The following AARS1 variants were observed in gnomAD, a reference collection of about 807,000 sequenced individuals.
AARS1 encodes the protein alanyl-tRNA synthetase 1, also known as alanine--tRNA ligase, cytoplasmic.
Under a neutral mutation model 108.9 loss-of-function variants are expected in AARS1, and 72 were observed. The ratio of observed to expected loss-of-function variants is 0.66; its 90% confidence interval spans 0.55 to 0.80. The LOEUF is 0.80. Among genes scored for constraint, AARS1 ranks in the 30% least tolerant of loss-of-function variants. The probability of loss-of-function intolerance (pLI) is 0.00; values close to 1 mark genes in which losing one functional copy is unlikely to be tolerated. For missense variants in AARS1, 1,193 were observed against 1,233.2 expected (o/e 0.97, Z 0.49); for synonymous variants, 489 against 465.7 (o/e 1.05, Z -0.64).
intron 11 of AARS1, among the ~76,000 whole-genome samples, chr16:70,263,689 C>G (rs981478942): frequency 2.0e-5 from 3 of 152,046 alleles, no homozygotes; most frequent in South Asian, 2.1e-4. Flanking sequence ...GGCTGGAGTG[C>G]AGTGGCACAA....
At chr16:70,254,828 C>G in intron 16 of AARS1, 94 bp from the exon 17 acceptor site, 1 of 811,988 alleles carries the variant, frequency 1.2e-6, no homozygotes, top group Non-Finnish European at 2.1e-6. Context: ...GGCGGTAGGC[C>G]TTGCAGCAAC....
At chr16:70,273,175 G>A (rs1269565700) in intron 4 of AARS1, among the ~76,000 whole-genome samples, 1 of 152,044 alleles carries the variant, frequency 6.6e-6, no homozygotes, top group African/African-American at 2.4e-5. Flanking sequence ...AAAAAGAGAA[G>A]CAGCCCTGTT....
At chr16:70,275,712 G>A (rs1044190920) in intron 4 of AARS1, among the ~76,000 whole-genome samples, 8 of 151,372 alleles carry the variant, frequency 5.3e-5, no homozygotes, top group Non-Finnish European at 1.0e-4. Flanking sequence ...GCAGTGAGCT[G>A]AGATCGCGCC....
At chr16:70,267,961 AGT>A (rs1960304796) in intron 8 of AARS1, 152 bp from the exon 9 acceptor site, 32 of 1,050,244 alleles carry the variant, frequency 3.0e-5, no homozygotes, top group Non-Finnish European at 4.2e-5. Context: ...TGAGCTCAGG[AGT>A]TCAAGACCAG....
rs1959918344 is a variant in AARS1, at chr16:70,254,094, G to A, written c.2401-56C>T. 9 of 1,608,840 alleles carry A rather than the reference G, an allele frequency of 5.6e-6. No individual in the cohort carries two copies. In the African/African-American group the frequency reaches 9.3e-5, roughly 17 times the overall value. On this transcript the variant is annotated intron_variant, in intron 17 of 20. Transcript: ENST00000261772. ...GGCCACAACTTGCTGGGATGTCAGG[G>A]TCCAGCCCACCCCACCCGAACCCAA...
intron 14 of AARS1, among the ~76,000 whole-genome samples, chr16:70,258,727 G>A (rs111942451): frequency 2.6e-5 from 4 of 152,196 alleles, no homozygotes; most frequent in Middle Eastern, 3.4e-3. Context: ...CACCACGCCC[G>A]GCTAATTTTT....
At chr16:70,286,530 T>C (rs1205578426) in intron 1 of AARS1, among the ~76,000 whole-genome samples, 1 of 152,128 alleles carries the variant, frequency 6.6e-6, no homozygotes, top group Non-Finnish European at 1.5e-5. Context: ...CCGACTAATT[T>C]TTTTGTATTT....
Position 70,252,360 on chromosome 16 carries a change from G to C in AARS1, c.*361C>G. The C allele has an allele frequency of 2.7e-6, 1 of 366,396 alleles. No homozygotes were observed. Among genetic ancestry groups the C allele is most frequent in the Non-Finnish European group, 5.1e-6 (1 of 197,300 alleles). The allele number at this position is 366,396 out of a possible 1,614,324, so 22.7% of individuals were successfully genotyped here. A position where few individuals can be genotyped will look rare whatever the true frequency, so the allele number is the denominator to read the frequency against. On this transcript the variant is annotated 3_prime_UTR_variant, in exon 21 of 21. Coordinates refer to ENST00000261772, the MANE Select transcript of AARS1 (RefSeq NM_001605.3). ...TGTCAAAAGAGCCAGCCCCTATTGG[G>C]AAGAGGGATAGAGATCATGCGGCAT...
intron 4 of AARS1, 34 bp from the exon 5 acceptor site, chr16:70,272,006 C>T: frequency 1.9e-6 from 3 of 1,602,000 alleles, no homozygotes; most frequent in Non-Finnish European, 2.6e-6. Context: ...CCAGTTACAG[C>T]CCCTGACAAG....
Position 70,253,786 on chromosome 16 carries a change from C to T in AARS1, c.2535G>A (p.Thr845=), listed in dbSNP as rs770634653. 1.6e-5 allele frequency: 26 copies of T among 1,614,078 alleles called. No individual in the cohort carries two copies. The highest frequency in any genetic ancestry group is 3.3e-5 in the South Asian group (3 of 91,084). ...ADVQKRVLEK[T]KQFIDSNPNQ... ...TGGGGTTGCTGTCGATGAACTGCTT[C>T]GTCTTCTCTAACACCTGCAAGAAAA... Residue 845 remains threonine, a synonymous_variant, in exon 19 of 21, where the codon ACG becomes ACA. Coordinates refer to ENST00000261772, the MANE Select transcript of AARS1 (RefSeq NM_001605.3).
At chr16:70,257,451 A>C (rs560079289) in intron 15 of AARS1, among the ~76,000 whole-genome samples, 1 of 152,158 alleles carries the variant, frequency 6.6e-6, no homozygotes, top group Non-Finnish European at 1.5e-5. Flanking sequence ...TTCTTTTCAC[A>C]AGGCTTCATT....
chr16:70,288,678 T>C (rs1485428602), intron 1 of AARS1, among the ~76,000 whole-genome samples: 3 of 151,340 alleles, frequency 2.0e-5, no homozygotes, highest in African/African-American at 4.9e-5. Flanking sequence ...GCGATTCTCA[T>C]GCCTCAGCCT....
intron 1 of AARS1, among the ~76,000 whole-genome samples, chr16:70,287,408 A>G (rs1241511134): frequency 6.6e-6 from 1 of 150,822 alleles, no homozygotes; most frequent in African/African-American, 2.4e-5. Context: ...AGCCTGGGTG[A>G]CAAAGCGAGA....
rs756492963 is a variant in AARS1 at position 70,282,794 on chromosome 16, G to GA, written c.-21-11dup. The GA allele has an allele frequency of 2.5e-4, 396 of 1,588,006 alleles. 1 individual carries two copies. Among genetic ancestry groups the GA allele is most frequent in the African/African-American group, 5.9e-4 (43 of 73,260 alleles). On this transcript the variant is annotated splice_polypyrimidine_tract_variant and intron_variant, in intron 1 of 20. Coordinates refer to ENST00000261772, the MANE Select transcript of AARS1 (RefSeq NM_001605.3). ...AAGTCACCCCAAAGAACTAATCAAA[G>GA]AAAAAAAAATGAAGGAAAATTAAGG...
At chr16:70,259,429 C>A (rs1199061123) in intron 13 of AARS1, among the ~76,000 whole-genome samples, 10 of 152,168 alleles carry the variant, frequency 6.6e-5, no homozygotes, top group Admixed American at 6.5e-4. Flanking sequence ...TTCTTTTCCA[C>A]CGCCTAGAAC....
intron 14 of AARS1, 89 bp from the exon 15 acceptor site, chr16:70,258,306 A>T: frequency 6.8e-7 from 1 of 1,462,986 alleles, no homozygotes; most frequent in Non-Finnish European, 9.3e-7. Flanking sequence ...TGCAGGCAGG[A>T]CTCGGGTTCC....
Position 70,276,781 on chromosome 16 carries a change from T to C in AARS1, c.334-150A>G, listed in dbSNP as rs528526900. ...TCAGTTTATGTAAGAAATCCAAATA[T>C]ATACTGAAATCACCAAATTATAGGT... On this transcript the variant is annotated intron_variant, in intron 3 of 20. Coordinates refer to ENST00000261772, the MANE Select transcript of AARS1 (RefSeq NM_001605.3). The C allele has an allele frequency of 5.1e-6, 6 of 1,175,648 alleles. No homozygotes were observed. In the South Asian group the frequency reaches 5.3e-5, roughly 10 times the overall value. 72.8% of individuals were successfully genotyped at this position (1,175,648 alleles called of 1,614,324 possible).
chr16:70,253,290 G>A lies in AARS1; in HGVS notation c.2699C>T (p.Thr900Met), dbSNP rs1191153082. 3.7e-6 allele frequency: 6 copies of A among 1,614,040 alleles called. No homozygotes were observed. Among genetic ancestry groups the A allele is most frequent in the African/African-American group, 2.7e-5 (2 of 75,066 alleles). Residue 900 changes from threonine to methionine, a missense_variant, in exon 20 of 21, where the codon ACG becomes ATG. Transcript: ENST00000261772. ...FTVDNEAGKI[T>M]CLCQVPQNAA... ...GACCTGGGGAACTTGACACAGGCAC[G>A]TGATCTTGCCAGCCTCATTGTCCAC...
chr16:70,254,388 T>C (rs1352572923), intron 17 of AARS1: 1 of 592,626 alleles, frequency 1.7e-6, no homozygotes, highest in Non-Finnish European at 3.0e-6. Flanking sequence ...CCAGTGCCCA[T>C]ACATGCTTGG....
Sources: allele counts gnomAD v4.1 joint callset (sites outside exome capture counted in the v4.1 genomes callset), GRCh38; gene constraint gnomAD v4.1.1; transcripts MANE v1.5; gene names NCBI Gene and HGNC (gene_info 2026-07-23, HGNC 2026-07-21).